The following ACBD4 variants were observed in gnomAD, a reference collection of about 807,000 sequenced individuals.
ACBD4 encodes the protein acyl-CoA binding domain containing 4, also known as acyl-CoA-binding domain-containing protein 4.
A neutral mutation model predicts 46.0 loss-of-function variants in ACBD4; 41 were observed. That is an observed-to-expected ratio of 0.89 (90% CI 0.69 to 1.16). The LOEUF is 1.16. ACBD4 is among the 50% of genes most tolerant of loss of function. The pLI is 0.00. For synonymous variants in ACBD4, 162 were observed against 155.9 expected, an observed-to-expected ratio of 1.04 and a Z score of -0.29; for missense variants, 393 against 399.5, an observed-to-expected ratio of 0.98 and a Z score of 0.14.
Position 45,137,974 on chromosome 17 carries a change from C to G in ACBD4, c.635C>G (p.Pro212Arg). Residue 212 changes from proline (P) to arginine (R), a missense_variant, in exon 8 of 10, where the codon CCC becomes CGC. Pro to Arg is a moderately radical substitution (Grantham distance 103, BLOSUM62 -2). This residue lies in a region of ACBD4 where 308 missense variants were observed against 301.8 expected (regional missense o/e 1.02). Coordinates refer to ENST00000321854, the MANE Select transcript of ACBD4 (RefSeq NM_001135705.3). The part of the protein sequence containing the change: ...GKRDPRNSPV[P>R]PTKKEGLRGS... Reference sequence around the variant, plus strand: ...CGTGATCCCAGGAACAGCCCCGTGCCCCCCACAAAGAAAGGTGAGCTCCTA... The same window carrying G: ...CGTGATCCCAGGAACAGCCCCGTGCGCCCCACAAAGAAAGGTGAGCTCCTA... The G allele has an allele frequency of 6.2e-7, 1 of 1,613,636 alleles. No homozygotes were observed. Among genetic ancestry groups the G allele is most frequent in the Non-Finnish European group, 8.5e-7 (1 of 1,179,938 alleles).
chr17:45,136,461 G>A lies in ACBD4; in HGVS notation c.89-39G>A. 6.3e-7 allele frequency: 1 copy of A among 1,597,674 alleles called. No homozygotes were observed. The highest frequency in any genetic ancestry group is 1.3e-5 in the African/African-American group (1 of 74,700). On this transcript the variant is annotated intron_variant, in intron 2 of 9. Transcript: ENST00000321854. ...CCGCCCCTCCGCCCCTTGGAGCTGG[G>A]AGTGATGCTTTGCCCTGGCTTCCCA... is the stretch of plus-strand genomic sequence containing the variant.
At chr17:45,141,158 G>T (rs1292205306) in intron 9 of ACBD4, among the ~76,000 whole-genome samples, 3 of 152,146 alleles carry the variant, frequency 2.0e-5, no homozygotes, top group African/African-American at 7.2e-5. Flanking sequence ...TCCTGAAACC[G>T]CCTTTTCCAG....
upstream of ACBD4, among the ~76,000 whole-genome samples, chr17:45,134,224 C>T (rs2143698437): frequency 6.6e-6 from 1 of 152,310 alleles, no homozygotes. Context: ...GATCATAGCT[C>T]ACTGCAGCCT....
intron 9 of ACBD4, among the ~76,000 whole-genome samples, chr17:45,140,435 C>A (rs1233749730): frequency 6.6e-6 from 1 of 150,856 alleles, no homozygotes; most frequent in African/African-American, 2.4e-5. Flanking sequence ...CCTGCCTCAG[C>A]CTCCCAAAGT....
At chr17:45,136,052 C>A in intron 1 of ACBD4, 56 bp from the exon 2 acceptor site, 1 of 1,343,952 alleles carries the variant, frequency 7.4e-7, no homozygotes, top group Non-Finnish European at 1.0e-6. Flanking sequence ...GAATCCTTGG[C>A]TTATGGTGCC....
At position 45,137,368 on chromosome 17, in the gene ACBD4, G is replaced by A. The variant is rs777168784; in HGVS notation, c.416G>A (p.Gly139Asp). 1.2e-6 allele frequency: 2 copies of A among 1,614,162 alleles called. No homozygotes were observed. Among genetic ancestry groups the A allele is most frequent in the East Asian group, 2.2e-5 (1 of 44,882 alleles). The change falls in exon 6 of 10, where the codon GGT becomes GAT. Residue 139 changes from glycine (G) to aspartate (D), a missense_variant and splice_region_variant. Gly to Asp is a moderately conservative substitution (Grantham distance 94, BLOSUM62 -1). Transcript: ENST00000321854. ...ACCTCTGGGTGCTGTGTCTTGGCAGGTTGGAAAGAGCAGGTTGTGAATGGA... is the reference window on the plus strand; with the variant it reads ...ACCTCTGGGTGCTGTGTCTTGGCAGATTGGAAAGAGCAGGTTGTGAATGGA... ...PPETFLRRVT[G>D]WKEQVVNGDV... is the part of the protein sequence containing the mutation.
chr17:45,136,359 C>A, intron 2 of ACBD4, 127 bp downstream of exon 2: 3 of 1,456,542 alleles, frequency 2.1e-6, no homozygotes, highest in Non-Finnish European at 2.8e-6. Context: ...CCTGGGGGTT[C>A]CCTCCGCTTC....
intron 5 of ACBD4, 111 bp from the exon 6 acceptor site, chr17:45,137,257 C>G (rs182027487): frequency 1.1e-5 from 17 of 1,595,536 alleles, no homozygotes; most frequent in Non-Finnish European, 1.4e-5. Context: ...CCCAAGCCCC[C>G]GAGAGGTGGA....
At chr17:45,138,634 T>C (rs2055034583) in intron 8 of ACBD4, 1 of 228,412 alleles carries the variant, frequency 4.4e-6, no homozygotes, top group Non-Finnish European at 8.9e-6. Context: ...GTATTAAAAA[T>C]ACAAATATTA....
At position 45,142,099 on chromosome 17, in the gene ACBD4, G is replaced by A. The variant is rs151116552; in HGVS notation, c.790-1344G>A. Among the ~76,000 whole-genome samples, 69 of 152,068 alleles carry A rather than the reference G, an allele frequency of 4.5e-4. 1 individual carries two copies. In the East Asian group the frequency reaches 0.011, roughly 24 times the overall value. ...CTTTAGTTATCTATTTTTAAAGTAA[G>A]AAATTAATTTAGGCTGGGTACGGTG... is the stretch of plus-strand genomic sequence containing the variant. On this transcript the variant is annotated intron_variant, in intron 9 of 9. Transcript: ENST00000321854.
intron 7 of ACBD4, 39 bp downstream of exon 7, chr17:45,137,869 T>G: frequency 7.7e-7 from 1 of 1,291,866 alleles, no homozygotes; most frequent in Non-Finnish European, 1.1e-6. Context: ...CCCACCCCAC[T>G]GTGCTCCCAC....
Position 45,143,579 on chromosome 17 carries a change from T to G in ACBD4, c.*8T>G. ...CGGACCCAAAAGAGGTGACTGTCAGTGGAGGGGTCTCTGCAGCCAACTGAG... is the reference window on the plus strand; with the variant it reads ...CGGACCCAAAAGAGGTGACTGTCAGGGGAGGGGTCTCTGCAGCCAACTGAG... On this transcript the variant is annotated 3_prime_UTR_variant, in exon 10 of 10. Transcript: ENST00000321854. The G allele has an allele frequency of 6.2e-7, 1 of 1,614,036 alleles. No homozygotes were observed. The highest frequency in any genetic ancestry group is 8.5e-7 in the Non-Finnish European group (1 of 1,180,004).
In ACBD4 at chr17:45,136,623, G is replaced by A. The variant is rs2054855686; in HGVS notation, c.209+3G>A. On this transcript the variant is annotated splice_donor_region_variant and intron_variant, in intron 3 of 9. Transcript: ENST00000321854. ...GACCCCATTGGACGATATAAGTGGT[G>A]AGCTCCCTGCTGGCTGGGCAGACAA... 3 of 1,613,768 alleles carry A rather than the reference G, an allele frequency of 1.9e-6. No individual in the cohort carries two copies. Among genetic ancestry groups the A allele is most frequent in the Non-Finnish European group, 2.5e-6 (3 of 1,179,902 alleles).
Position 45,135,705 on chromosome 17 carries a change from G to C in ACBD4, c.-286G>C, listed in dbSNP as rs964245389. The C allele has an allele frequency of 6.3e-6, 1 of 158,822 alleles. No individual in the cohort carries two copies. Among genetic ancestry groups the C allele is most frequent in the African/African-American group, 2.4e-5 (1 of 41,572 alleles). 9.8% of individuals were successfully genotyped at this position (158,822 alleles called of 1,614,324 possible). On this transcript the variant is annotated 5_prime_UTR_variant, in exon 1 of 10. Transcript: ENST00000321854. The stretch of plus-strand genomic sequence containing the variant: ...CGGGGTCAGTAGGAAGCCGCGGGGT[G>C]GTGGCGAGAGAGGACCCAGGTGTCC...
chr17:45,132,568 G>GCGGGGCGGGAAGGGAAGGGGGCGGGGC (rs2054483610), upstream of ACBD4: 4 of 269,326 alleles, frequency 1.5e-5, no homozygotes, highest in South Asian at 1.6e-4. This position sits in a 1 kb window ranked among gnomAD's most constrained non-coding sequence, Gnocchi z 4.6. Flanking sequence ...GTGGGGCGGG[G>GCGGGGCGGGAAGGGAAGGGGGCGGGGC]CGGGGCGGGA....
upstream of ACBD4, chr17:45,132,110 A>AG (rs2054465347): frequency 1.0e-6 from 1 of 954,340 alleles, no homozygotes; most frequent in Non-Finnish European, 1.4e-6. This position sits in a 1 kb window ranked among gnomAD's most constrained non-coding sequence, Gnocchi z 4.6. Context: ...AGCTGGAGGG[A>AG]GCTGGCCCTC....
rs764845745 is a variant in ACBD4, at chr17:45,136,609, A to G, written c.198A>G (p.Gly66=). The G allele has an allele frequency of 5.0e-6, 8 of 1,613,812 alleles. No individual in the cohort carries two copies. The African/African-American group carries it at 1.1e-4, about 22-fold the overall frequency. ...GGCCCGGGTTCTGGGACCCCATTGG[A>G]CGATATAAGTGGTGAGCTCCCTGCT... ...VPRPGFWDPI[G]RYKWDAWNSL... is the part of the protein sequence containing the mutation. Residue 66 remains glycine, a synonymous_variant, in exon 3 of 10, where the codon GGA becomes GGG. Coordinates refer to ENST00000321854, the MANE Select transcript of ACBD4 (RefSeq NM_001135705.3).
At chr17:45,133,493 C>T (rs2143665616), upstream of ACBD4, 1 of 150,638 alleles carries the variant, frequency 6.6e-6, no homozygotes, top group East Asian at 1.9e-4. Context: ...GCTTGGGTCC[C>T]TACGCCACTC....
chr17:45,132,423 G>A (rs949423119), upstream of ACBD4: 10 of 1,203,558 alleles, frequency 8.3e-6, 1 homozygote, highest in Middle Eastern at 3.3e-4. The surrounding 1 kb of genome is among the most constrained non-coding windows in gnomAD (Gnocchi z 4.6). Flanking sequence ...CTTGGCGGGG[G>A]GCCGGGGCCG....
Sources: gnomAD v4.1 joint callset for allele counts (sites outside exome capture counted in the v4.1 genomes callset) on GRCh38, gnomAD v4.1.1 for gene constraint, gnomAD v4.1.1 regional missense constraint, Gnocchi (gnomAD v3.1) non-coding constraint, MANE v1.5 for transcripts, NCBI Gene and HGNC (gene_info 2026-07-23, HGNC 2026-07-21) for gene names.